Variants in WDR70 observed in about 807,000 individuals in gnomAD.
The protein encoded by WDR70 is WD repeat-containing protein 70.
In WDR70, 53 loss-of-function variants were observed where a neutral mutation model predicts 88.6. The observed-to-expected ratio is 0.60, with a 90% CI of 0.48 to 0.75. The LOEUF (loss-of-function observed/expected upper bound fraction) is 0.75, where lower values mean the gene tolerates loss of function less well. WDR70 is among the 30% of genes least tolerant of loss of function. The pLI, the probability that WDR70 is intolerant of heterozygous loss-of-function variation, is 0.00. For synonymous variants in WDR70, 280 were observed against 270.0 expected, an observed-to-expected ratio of 1.04 and a Z score of -0.36; for missense variants, 610 against 823.2, an observed-to-expected ratio of 0.74 and a Z score of 3.17.
At chr5:37,673,074 C>A (rs978922146) in intron 10 of WDR70, among the ~76,000 whole-genome samples, 1 of 152,072 alleles carries the variant, frequency 6.6e-6, no homozygotes, top group African/African-American at 2.4e-5. Flanking sequence ...TCCCATAGGC[C>A]CCAGTGTGTG....
intron 13 of WDR70, among the ~76,000 whole-genome samples, chr5:37,718,035 C>G (rs1747700779): frequency 6.6e-6 from 1 of 152,166 alleles, no homozygotes; most frequent in Non-Finnish European, 1.5e-5. Context: ...TGACTCATTG[C>G]CACAGTGCAT....
intron 13 of WDR70, among the ~76,000 whole-genome samples, chr5:37,704,882 CT>C (rs34278678): frequency 0.062 from 8,964 of 144,540 alleles, 785 homozygotes; most frequent in African/African-American, 0.21. Context: ...TATCTTGTGT[CT>C]TTTTTTTTTT....
At chr5:37,383,966 G>C (rs1463535385) in intron 3 of WDR70, among the ~76,000 whole-genome samples, 1 of 152,098 alleles carries the variant, frequency 6.6e-6, no homozygotes, top group Non-Finnish European at 1.5e-5. Flanking sequence ...TTTAACTACT[G>C]TAACAGTTCA....
At chr5:37,434,533 A>G (rs1750411724) in intron 5 of WDR70, among the ~76,000 whole-genome samples, 1 of 152,152 alleles carries the variant, frequency 6.6e-6, no homozygotes. Context: ...ACTTTGTAGC[A>G]GATCTTTGTT....
At chr5:37,542,289 T>A (rs1741845678) in intron 9 of WDR70, among the ~76,000 whole-genome samples, 1 of 151,694 alleles carries the variant, frequency 6.6e-6, no homozygotes. Context: ...TCTTTTTTTT[T>A]TTTTTTGGGA....
chr5:37,487,624 TG>T (rs1561872012), intron 8 of WDR70, among the ~76,000 whole-genome samples: 560 of 13,862 alleles, frequency 0.04, 5 homozygotes, highest in African/African-American at 0.057. Flanking sequence ...TATATATATA[TG>T]TATTTTTTTT....
chr5:37,616,108 C>G (rs4869537), intron 10 of WDR70, among the ~76,000 whole-genome samples: 38 of 151,562 alleles, frequency 2.5e-4, no homozygotes, highest in Admixed American at 9.2e-4. Context: ...TCTTCCATAA[C>G]TTTCTCCATA....
intron 10 of WDR70, among the ~76,000 whole-genome samples, chr5:37,665,709 A>T (rs1224058350): frequency 6.6e-6 from 1 of 152,232 alleles, no homozygotes; most frequent in Admixed American, 6.5e-5. Flanking sequence ...TCTTTAGATG[A>T]GTACATTTCA....
At chr5:37,718,748 C>T (rs1327067667) in intron 13 of WDR70, among the ~76,000 whole-genome samples, 5 of 152,128 alleles carry the variant, frequency 3.3e-5, no homozygotes, top group Non-Finnish European at 7.4e-5. Flanking sequence ...TCCATTTAGG[C>T]ATGGGTGAAC....
At chr5:37,465,021 A>G (rs1326127768) in intron 7 of WDR70, among the ~76,000 whole-genome samples, 1 of 152,240 alleles carries the variant, frequency 6.6e-6, no homozygotes, top group Non-Finnish European at 1.5e-5. Context: ...GACAACTGGC[A>G]CATTTGGTCA....
chr5:37,623,954 T>A (rs1018763751), intron 10 of WDR70, among the ~76,000 whole-genome samples: 2 of 152,206 alleles, frequency 1.3e-5, no homozygotes, highest in Admixed American at 1.3e-4. Context: ...TTCCTTCACT[T>A]CACTGTTACG....
intron 5 of WDR70, among the ~76,000 whole-genome samples, chr5:37,424,572 T>G (rs1275025551): frequency 5.9e-5 from 9 of 151,746 alleles, no homozygotes. Flanking sequence ...GCCCGGCTAA[T>G]TTTTTTATTT....
intron 9 of WDR70, among the ~76,000 whole-genome samples, chr5:37,529,299 T>TGTG (rs1171296455): frequency 6.6e-6 from 1 of 152,174 alleles, no homozygotes; most frequent in Non-Finnish European, 1.5e-5. Flanking sequence ...GCTTTGGCTA[T>TGTG]GTGGGCTCTT....
At chr5:37,647,358 A>G (rs1745267765) in intron 10 of WDR70, among the ~76,000 whole-genome samples, 1 of 152,124 alleles carries the variant, frequency 6.6e-6, no homozygotes, top group South Asian at 2.1e-4. Flanking sequence ...TGTCTCCAGC[A>G]TTGTTCCCTG....
intron 9 of WDR70, among the ~76,000 whole-genome samples, chr5:37,524,089 A>T (rs1436045975): frequency 2.0e-5 from 3 of 152,240 alleles, no homozygotes; most frequent in African/African-American, 7.2e-5. Flanking sequence ...TCCCCAACCT[A>T]GCAAGGCAGG....
At chr5:37,677,038 T>G (rs538534100) in intron 10 of WDR70, among the ~76,000 whole-genome samples, 14 of 152,360 alleles carry the variant, frequency 9.2e-5, no homozygotes, top group African/African-American at 3.1e-4. Context: ...GTTTGTAGTA[T>G]TCTCTGATGG....
chr5:37,509,523 G>C (rs1252122651), intron 8 of WDR70, among the ~76,000 whole-genome samples: 4 of 151,888 alleles, frequency 2.6e-5, no homozygotes, highest in African/African-American at 9.7e-5. Flanking sequence ...ATCACACCCA[G>C]CCCTTGGAAA....
At chr5:37,660,592 A>C (rs1203342424) in intron 10 of WDR70, among the ~76,000 whole-genome samples, 1 of 151,934 alleles carries the variant, frequency 6.6e-6, no homozygotes, top group Non-Finnish European at 1.5e-5. Context: ...TAGAGCCTCT[A>C]CTTTGTCTGA....
chr5:37,666,818 C>T (rs1345737962), intron 10 of WDR70, among the ~76,000 whole-genome samples: 1 of 152,084 alleles, frequency 6.6e-6, no homozygotes, highest in Non-Finnish European at 1.5e-5. Flanking sequence ...TGGCTCTGCC[C>T]CTTACTGGTC....
Sources: gnomAD v4.1 joint callset for allele counts (sites outside exome capture counted in the v4.1 genomes callset) on GRCh38, gnomAD v4.1.1 for gene constraint, MANE v1.5 for transcripts, NCBI Gene and HGNC (gene_info 2026-07-23, HGNC 2026-07-21) for gene names.